The following PHACTR4 variants were observed in gnomAD, a reference collection of about 807,000 sequenced individuals.
PHACTR4 encodes the protein protein phosphatase 1, regulatory subunit 124.
PHACTR4 carries 51 observed loss-of-function variants against 72.7 expected under a neutral mutation model. The ratio of observed to expected loss-of-function variants is 0.70; its 90% CI spans 0.56 to 0.89. The LOEUF is 0.89. Ranked by LOEUF, PHACTR4 falls within the 40% of genes least tolerant of loss-of-function variation. The pLI is 0.00. For synonymous variants in PHACTR4, 255 were observed against 302.5 expected (o/e 0.84, Z 1.63); for missense variants, 731 against 861.8 (o/e 0.85, Z 1.90).
intron 2 of PHACTR4, among the ~76,000 whole-genome samples, chr1:28,410,741 T>G (rs1046745929): frequency 2.6e-5 from 4 of 152,130 alleles, no homozygotes; most frequent in African/African-American, 9.7e-5. Context: ...AGTTTTGCTC[T>G]TGTCGCCAAG....
At position 28,381,239 on chromosome 1, in the gene PHACTR4, G is replaced by A. The variant is rs1004448267; in HGVS notation, c.-39+11414G>A. ...AGTCTGGTCTTGAAATCCTGACCTCGTGATCTGCCCGCCTCGGCCTCCTAA... is the reference window on the plus strand; with the variant it reads ...AGTCTGGTCTTGAAATCCTGACCTCATGATCTGCCCGCCTCGGCCTCCTAA... On this transcript the variant is annotated intron_variant, in intron 1 of 13. Transcript: ENST00000373839. Among the ~76,000 whole-genome samples the A allele has an allele frequency of 4.7e-5, 7 of 150,160 alleles. No homozygotes were observed. The South Asian group carries it at 1.5e-3, about 31-fold the overall frequency.
intron 2 of PHACTR4, among the ~76,000 whole-genome samples, chr1:28,444,347 A>G (rs1452991565): frequency 1.5e-5 from 2 of 137,894 alleles, no homozygotes; most frequent in Admixed American, 8.1e-5. Context: ...CTCCTGCCCC[A>G]GCCTCCCGAG....
At chr1:28,418,064 G>T (rs2124327765) in intron 2 of PHACTR4, among the ~76,000 whole-genome samples, 1 of 152,248 alleles carries the variant, frequency 6.6e-6, no homozygotes, top group South Asian at 2.1e-4. Context: ...CTTGAGTCCA[G>T]GAGGTCAAGG....
intron 7 of PHACTR4, 32 bp from the exon 8 acceptor site, chr1:28,476,075 A>C (rs1297944044): frequency 1.4e-5 from 22 of 1,563,830 alleles, no homozygotes; most frequent in Non-Finnish European, 1.9e-5. Context: ...CTTCATTTCT[A>C]AAAGGAAAAT....
intron 2 of PHACTR4, among the ~76,000 whole-genome samples, chr1:28,436,982 GT>G (rs1394578567): frequency 1.3e-5 from 2 of 152,090 alleles, no homozygotes; most frequent in African/African-American, 4.8e-5. Context: ...TTCGTTTATT[GT>G]TTTAGTAAGC....
intron 1 of PHACTR4, among the ~76,000 whole-genome samples, chr1:28,370,975 A>G (rs1651201539): frequency 6.6e-6 from 1 of 152,162 alleles, no homozygotes; most frequent in Admixed American, 6.6e-5. Flanking sequence ...TTAGGGGATG[A>G]GGTGTGGTAG....
chr1:28,474,981 C>T (rs1659832505), intron 7 of PHACTR4, among the ~76,000 whole-genome samples: 1 of 151,080 alleles, frequency 6.6e-6, no homozygotes. Context: ...GACAGGTTCT[C>T]ACTCTCTCAC....
intron 2 of PHACTR4, among the ~76,000 whole-genome samples, chr1:28,440,005 A>T (rs1308568966): frequency 6.6e-6 from 1 of 152,156 alleles, no homozygotes; most frequent in Non-Finnish European, 1.5e-5. Flanking sequence ...ATACTGTATT[A>T]AAAACTTCAT....
intron 2 of PHACTR4, among the ~76,000 whole-genome samples, chr1:28,407,865 T>A (rs1333814403): frequency 6.6e-6 from 1 of 152,216 alleles, no homozygotes; most frequent in Admixed American, 6.5e-5. Context: ...ACGCCTATAA[T>A]CCTAGCACTT....
At chr1:28,395,842 TA>T (rs1653457251) in intron 1 of PHACTR4, among the ~76,000 whole-genome samples, 2,803 of 105,702 alleles carry the variant, frequency 0.027, 2 homozygotes, top group Non-Finnish European at 0.033. Flanking sequence ...TTTTTTTTTT[TA>T]GTAGAGACGG....
chr1:28,371,220 C>G (rs2124083314), intron 1 of PHACTR4, among the ~76,000 whole-genome samples: 1 of 152,308 alleles, frequency 6.6e-6, no homozygotes, highest in Admixed American at 6.5e-5. Context: ...TTAAGCCATC[C>G]TTCCACCAGA....
At chr1:28,406,247 A>G (rs1654317419) in intron 1 of PHACTR4, among the ~76,000 whole-genome samples, 1 of 152,172 alleles carries the variant, frequency 6.6e-6, no homozygotes, top group South Asian at 2.1e-4. Context: ...TCATATGGTC[A>G]TGTTCTTTAG....
chr1:28,411,561 T>C (rs999728869), intron 2 of PHACTR4, among the ~76,000 whole-genome samples: 21 of 152,320 alleles, frequency 1.4e-4, no homozygotes, highest in African/African-American at 4.8e-4. Context: ...GTGTACTCAG[T>C]GTCATTTGAC....
chr1:28,379,593 C>CTTTT (rs575352039), intron 1 of PHACTR4, among the ~76,000 whole-genome samples: 1 of 136,250 alleles, frequency 7.3e-6, no homozygotes. Flanking sequence ...AATTTCTTTT[C>CTTTT]TTTTTTTTTT....
At chr1:28,409,673 T>A (rs547491109) in intron 2 of PHACTR4, among the ~76,000 whole-genome samples, 1 of 152,312 alleles carries the variant, frequency 6.6e-6, no homozygotes, top group South Asian at 2.1e-4. Flanking sequence ...TACTATATAA[T>A]ACTAACTGAG....
intron 1 of PHACTR4, among the ~76,000 whole-genome samples, chr1:28,394,987 C>G (rs1401953386): frequency 6.6e-6 from 1 of 150,954 alleles, no homozygotes; most frequent in Non-Finnish European, 1.5e-5. Flanking sequence ...GGTCTCAGCT[C>G]ACTGCAATCT....
rs753156193 is a variant in PHACTR4, at chr1:28,465,847, T to C, written c.434T>C (p.Leu145Pro). The C allele has an allele frequency of 1.0e-5, 16 of 1,605,460 alleles. No individual in the cohort carries two copies. The highest frequency in any genetic ancestry group is 7.0e-5 in the Admixed American group (4 of 57,440). The change falls in exon 5 of 14, where the codon CTA (leucine) becomes CCA (proline). Residue 145 changes from leucine to proline, a missense_variant and splice_region_variant. Coordinates refer to ENST00000373839, the MANE Select transcript of PHACTR4 (RefSeq NM_001048183.3). ...AIPEEDLKKR[L>P]GSTGSQPNSE... Reference sequence around the variant, plus strand: ...CCAGAAGAGGACCTAAAGAAACGACTAGGTAAGAAACTCTGGATTTTTGAG... The same window carrying C: ...CCAGAAGAGGACCTAAAGAAACGACCAGGTAAGAAACTCTGGATTTTTGAG...
intron 13 of PHACTR4, 125 bp downstream of exon 13, chr1:28,493,216 T>A: frequency 1.3e-6 from 1 of 797,304 alleles, no homozygotes; most frequent in Non-Finnish European, 2.1e-6. Flanking sequence ...CAAGACTGCA[T>A]TCAAAGGGAT....
intron 1 of PHACTR4, among the ~76,000 whole-genome samples, chr1:28,377,159 A>G (rs1353106834): frequency 1.3e-5 from 2 of 150,682 alleles, no homozygotes; most frequent in African/African-American, 4.9e-5. Flanking sequence ...TGAGGTTCCA[A>G]ACTCCTGAAC....
Sources: gnomAD v4.1 joint callset for allele counts (sites outside exome capture counted in the v4.1 genomes callset) on GRCh38, gnomAD v4.1.1 for gene constraint, MANE v1.5 for transcripts, NCBI Gene and HGNC (gene_info 2026-07-23, HGNC 2026-07-21) for gene names.